The following SERINC5 variants were observed in gnomAD, a reference collection of about 807,000 sequenced individuals.
SERINC5 encodes the protein chromosome 5 open reading frame 12.
In SERINC5, 41 loss-of-function variants were observed where a neutral mutation model predicts 63.1. The observed-to-expected ratio is 0.65, with a 90% CI of 0.51 to 0.84. SERINC5 has a LOEUF of 0.84. Ranked by LOEUF, SERINC5 falls within the 40% of genes least tolerant of loss-of-function variation. SERINC5 has a pLI of 0.00. For synonymous variants in SERINC5, 222 were observed against 215.2 expected (o/e 1.03, Z -0.28); for missense variants, 523 against 573.0 (o/e 0.91, Z 0.89).
intron 11 of SERINC5, among the ~76,000 whole-genome samples, chr5:80,117,182 G>C (rs1396775243): frequency 6.6e-6 from 1 of 152,060 alleles, no homozygotes; most frequent in Non-Finnish European, 1.5e-5. Flanking sequence ...TAACACGGAA[G>C]ATGGCTAGGA....
chr5:80,201,256 T>C (rs1027971959), intron 2 of SERINC5, among the ~76,000 whole-genome samples: 1 of 152,218 alleles, frequency 6.6e-6, no homozygotes, highest in East Asian at 1.9e-4. Flanking sequence ...TCCCTCCACC[T>C]CCTCACTTGT....
intron 2 of SERINC5, among the ~76,000 whole-genome samples, chr5:80,184,118 G>A (rs983940330): frequency 1.4e-4 from 21 of 152,166 alleles, no homozygotes; most frequent in African/African-American, 4.8e-4. Flanking sequence ...GTAACGAGGA[G>A]GTAATATTGC....
chr5:80,227,312 G>A (rs776630097), intron 1 of SERINC5, among the ~76,000 whole-genome samples: 31 of 152,114 alleles, frequency 2.0e-4, no homozygotes, highest in Non-Finnish European at 4.3e-4. Flanking sequence ...AAGGAAAAAC[G>A]AATTCCATTT....
intron 11 of SERINC5, among the ~76,000 whole-genome samples, chr5:80,116,596 C>T (rs1057168467): frequency 6.6e-6 from 1 of 152,074 alleles, no homozygotes; most frequent in Non-Finnish European, 1.5e-5. Context: ...AGCTCAGACG[C>T]TAGTGGCATA....
At position 80,139,925 on chromosome 5, in the gene SERINC5, A is replaced by C; in HGVS notation, c.*3738T>G. 1 of 985,448 alleles carries C rather than the reference A, an allele frequency of 1.0e-6. No individual in the cohort carries two copies. Among genetic ancestry groups the C allele is most frequent in the Non-Finnish European group, 1.2e-6 (1 of 829,942 alleles). 61.0% of individuals were successfully genotyped at this position (985,448 alleles called of 1,614,324 possible). A position where few individuals can be genotyped will look rare whatever the true frequency, so the allele number is the denominator to read the frequency against. On this transcript the variant is annotated 3_prime_UTR_variant, in exon 12 of 12. Transcript: ENST00000507668. ...AAATGAGATACTATTTGGAAAGGCA[A>C]TAAAGGGAGTGTAAAAGCCTAGGTA...
chr5:80,243,373 G>A (rs1340005751), intron 1 of SERINC5, among the ~76,000 whole-genome samples: 1 of 152,074 alleles, frequency 6.6e-6, no homozygotes, highest in Non-Finnish European at 1.5e-5. Context: ...TATTGTTAAA[G>A]GGGATTTTAT....
chr5:80,221,786 C>T (rs1750916076), intron 1 of SERINC5, among the ~76,000 whole-genome samples: 1 of 114,276 alleles, frequency 8.8e-6, no homozygotes, highest in African/African-American at 3.8e-5. Flanking sequence ...AGCAAGACAA[C>T]TTTAGCAAAA....
Position 80,229,050 on chromosome 5 carries a change from T to TGAGGGGGGG in SERINC5, c.28-25998_28-25997insCCCCCCCTC, listed in dbSNP as rs1751303737. ...TTTTTTTTTTTTTTTTTTTTTTTTT[T>TGAGGGGGGG]GGGGATGGAGTTGCCTAGGCTGGAG... On this transcript the variant is annotated intron_variant, in intron 1 of 11. Coordinates refer to ENST00000507668, the MANE Select transcript of SERINC5 (RefSeq NM_001174072.3). Among the ~76,000 whole-genome samples, 6 of 94,162 alleles carry TGAGGGGGGG rather than the reference T, an allele frequency of 6.4e-5. No individual in the cohort carries two copies. The Admixed American group carries it at 8.0e-4, about 12-fold the overall frequency. The allele number at this position is 94,162 out of a possible 152,430, so 61.8% of individuals were successfully genotyped here.
At chr5:80,155,051 A>G (rs1746432680) in intron 8 of SERINC5, among the ~76,000 whole-genome samples, 1 of 152,218 alleles carries the variant, frequency 6.6e-6, no homozygotes, top group Admixed American at 6.5e-5. Flanking sequence ...AGAGAGCTAC[A>G]GGTATAGGCT....
chr5:80,236,993 CT>C (rs1751722583), intron 1 of SERINC5, among the ~76,000 whole-genome samples: 2 of 151,574 alleles, frequency 1.3e-5, no homozygotes, highest in East Asian at 3.9e-4. Context: ...GCCGGGCTAA[CT>C]TTTTTGTATT....
chr5:80,140,629 T>A lies in SERINC5; in HGVS notation c.*3034A>T. 1 of 985,226 alleles carries A rather than the reference T, an allele frequency of 1.0e-6. No homozygotes were observed. The highest frequency in any genetic ancestry group is 1.2e-6 in the Non-Finnish European group (1 of 829,876). The allele number at this position is 985,226 out of a possible 1,614,324, so 61.0% of individuals were successfully genotyped here. A position where few individuals can be genotyped will look rare whatever the true frequency, so the allele number is the denominator to read the frequency against. The stretch of plus-strand genomic sequence containing the variant: ...TCAGTATTTAAAAAGCTAGACACAG[T>A]AAAGACGTGGTTGGGTTTCTGAAGG... On this transcript the variant is annotated 3_prime_UTR_variant, in exon 12 of 12. Transcript: ENST00000507668.
chr5:80,248,594 G>A (rs991657505), intron 1 of SERINC5, among the ~76,000 whole-genome samples: 7 of 152,178 alleles, frequency 4.6e-5, no homozygotes, highest in Admixed American at 3.9e-4. Context: ...GGGTACTACC[G>A]TATTTAGCCA....
At chr5:80,206,828 T>C (rs1375250906) in intron 1 of SERINC5, among the ~76,000 whole-genome samples, 1 of 150,558 alleles carries the variant, frequency 6.6e-6, no homozygotes. Flanking sequence ...TTTTTTTTTT[T>C]TTAAGAGACA....
intron 1 of SERINC5, among the ~76,000 whole-genome samples, chr5:80,227,606 C>CAAA (rs74441331): frequency 0.12 from 12,794 of 102,400 alleles, 719 homozygotes; most frequent in Non-Finnish European, 0.17. Flanking sequence ...ACTAAAAATA[C>CAAA]AAAAAAAAAA....
chr5:80,227,702 T>G (rs1385256080), intron 1 of SERINC5, among the ~76,000 whole-genome samples: 2 of 151,930 alleles, frequency 1.3e-5, no homozygotes, highest in African/African-American at 2.4e-5. Context: ...ATTCAAAAAC[T>G]AGCCAGGGTG....
chr5:80,131,531 G>T (rs1334016220), intron 11 of SERINC5, among the ~76,000 whole-genome samples: 1 of 151,948 alleles, frequency 6.6e-6, no homozygotes, highest in Non-Finnish European at 1.5e-5. Flanking sequence ...GCGGGGGAGA[G>T]GGGGAAGGAG....
intron 2 of SERINC5, among the ~76,000 whole-genome samples, chr5:80,197,401 C>G (rs1252200879): frequency 7.6e-6 from 1 of 131,980 alleles, no homozygotes; most frequent in Non-Finnish European, 1.6e-5. Flanking sequence ...TTGTATGATT[C>G]CATTTATACG....
At chr5:80,210,462 G>A (rs917321278) in intron 1 of SERINC5, among the ~76,000 whole-genome samples, 2 of 152,170 alleles carry the variant, frequency 1.3e-5, no homozygotes, top group African/African-American at 4.8e-5. Context: ...GTCCTTCCAA[G>A]GATTGATCTA....
At chr5:80,137,200 C>A (rs1473014761), downstream of SERINC5, among the ~76,000 whole-genome samples, 2 of 145,590 alleles carry the variant, frequency 1.4e-5, no homozygotes, top group Admixed American at 7.0e-5. Context: ...GTAGAAATAC[C>A]ATATGATCCA....
Sources: allele counts gnomAD v4.1 joint callset (sites outside exome capture counted in the v4.1 genomes callset), GRCh38; gene constraint gnomAD v4.1.1; transcripts MANE v1.5; gene names NCBI Gene and HGNC (gene_info 2026-07-23, HGNC 2026-07-21).